The following SULT2B1 variants were observed in gnomAD, a reference collection of about 807,000 sequenced individuals.
SULT2B1 encodes the protein sulfotransferase family 2B member 1.
A neutral mutation model predicts 33.2 loss-of-function variants in SULT2B1; 16 were observed. The ratio of observed to expected loss-of-function variants is 0.48; its 90% confidence interval spans 0.33 to 0.73. The LOEUF (loss-of-function observed/expected upper bound fraction) is 0.73. SULT2B1 is among the 30% of genes least tolerant of loss of function. The probability of loss-of-function intolerance (pLI) is 0.02; values close to 1 mark genes in which losing one functional copy is unlikely to be tolerated. For synonymous variants in SULT2B1, 186 were observed against 200.5 expected (o/e 0.93, Z 0.61); for missense variants, 500 against 506.0 (o/e 0.99, Z 0.11).
At chr19:48,579,605 C>CTTTT (rs149157128) in intron 2 of SULT2B1, among the ~76,000 whole-genome samples, 121 of 79,742 alleles carry the variant, frequency 1.5e-3, no homozygotes, top group Middle Eastern at 0.015. Context: ...TTCTTTCTTT[C>CTTTT]TTTTTTTTTT....
rs1323605425 is a variant in SULT2B1, at chr19:48,569,250, C to T, written c.72-6691C>T. ...CCAGCTACTCAGGAGGCTGAGGCAG[C>T]AGAATGGCGTGAATCCAGGAGGCGG... On this transcript the variant is annotated intron_variant, in intron 1 of 6. Transcript: ENST00000201586. Among the ~76,000 whole-genome samples the T allele has an allele frequency of 2.0e-5, 3 of 150,458 alleles. No individual in the cohort carries two copies. In the East Asian group the frequency reaches 6.1e-4, roughly 31 times the overall value.
chr19:48,596,695 G>A, intron 5 of SULT2B1, 44 bp from the exon 6 acceptor site: 2 of 1,528,660 alleles, frequency 1.3e-6, no homozygotes, highest in Middle Eastern at 4.6e-4. Flanking sequence ...CTCCTTCCTT[G>A]GCCGAGTGCC....
At chr19:48,559,769 C>T (rs1392502990) in intron 1 of SULT2B1, among the ~76,000 whole-genome samples, 1 of 152,138 alleles carries the variant, frequency 6.6e-6, no homozygotes, top group African/African-American at 2.4e-5. Flanking sequence ...CAGTTACTTA[C>T]GTGGGGACCA....
chr19:48,558,246 C>T (rs533333785), intron 1 of SULT2B1, among the ~76,000 whole-genome samples: 1 of 152,320 alleles, frequency 6.6e-6, no homozygotes, highest in African/African-American at 2.4e-5. Flanking sequence ...GGAAGCCTGA[C>T]TGTATCACGC....
chr19:48,566,333 T>C lies in SULT2B1; in HGVS notation c.72-9608T>C, dbSNP rs961675952. Among the ~76,000 whole-genome samples the C allele has an allele frequency of 1.3e-4, 20 of 152,024 alleles. No homozygotes were observed. The East Asian group carries it at 3.9e-3, about 29-fold the overall frequency. ...CACTTTGCTTCCCATTTTGGGAGGA[T>C]TTGGGCTCCCAAAATGCTGGGATCA... On this transcript the variant is annotated intron_variant, in intron 1 of 6. Coordinates refer to ENST00000201586, the MANE Select transcript of SULT2B1 (RefSeq NM_177973.2).
chr19:48,553,422 C>G (rs766718986), intron 1 of SULT2B1, among the ~76,000 whole-genome samples: 12 of 152,238 alleles, frequency 7.9e-5, no homozygotes, highest in Admixed American at 3.3e-4. Flanking sequence ...ATTCTCCAGC[C>G]TCAGCTTCCC....
At chr19:48,590,288 C>T (rs549163662) in intron 3 of SULT2B1, among the ~76,000 whole-genome samples, 81 of 152,110 alleles carry the variant, frequency 5.3e-4, no homozygotes, top group African/African-American at 1.9e-3. Flanking sequence ...AGTGCCTGGC[C>T]GACAAGACCT....
chr19:48,573,493 C>A (rs151108609), intron 1 of SULT2B1, among the ~76,000 whole-genome samples: 1 of 152,050 alleles, frequency 6.6e-6, no homozygotes, highest in Non-Finnish European at 1.5e-5. Flanking sequence ...TTTAGGAATG[C>A]GAGAATGCAG....
intron 1 of SULT2B1, among the ~76,000 whole-genome samples, chr19:48,568,973 C>T (rs1021080771): frequency 6.6e-6 from 1 of 152,154 alleles, no homozygotes; most frequent in African/African-American, 2.4e-5. Context: ...GTCGAGTTCC[C>T]AGAGGGGCCT....
rs1048372934 is a variant in SULT2B1, at chr19:48,552,396, T to C, written c.71+73T>C. 169 of 1,505,234 alleles carry C rather than the reference T, an allele frequency of 1.1e-4. No individual in the cohort carries two copies. Among genetic ancestry groups the C allele is most frequent in the Non-Finnish European group, 4.2e-5 (46 of 1,108,092 alleles). 93.2% of individuals were successfully genotyped at this position (1,505,234 alleles called of 1,614,324 possible). A position where few individuals can be genotyped will look rare whatever the true frequency, so the allele number is the denominator to read the frequency against. ...GGCTGTTTGGGGGAGCCGGGGACTGTGGCAAGGGTGGCCTCCAGCCACCCG... is the reference window on the plus strand; with the variant it reads ...GGCTGTTTGGGGGAGCCGGGGACTGCGGCAAGGGTGGCCTCCAGCCACCCG... On this transcript the variant is annotated intron_variant, in intron 1 of 6. Transcript: ENST00000201586. The surrounding 1 kb of genome is among the most constrained non-coding windows in gnomAD (Gnocchi z 4.8).
intron 1 of SULT2B1, among the ~76,000 whole-genome samples, chr19:48,565,934 A>G (rs10425691): frequency 0.53 from 77,708 of 147,934 alleles, 21,257 homozygotes; most frequent in African/African-American, 0.69. Flanking sequence ...TTTTTTTTAG[A>G]CGGAGTCTCA....
At chr19:48,577,569 C>T (rs76005986) in intron 2 of SULT2B1, among the ~76,000 whole-genome samples, 28,195 of 150,892 alleles carry the variant, frequency 0.19, 2,814 homozygotes, top group East Asian at 0.41. Context: ...TTTCACCGTA[C>T]TGGCCAGGAT....
At chr19:48,577,719 C>G (rs541634590) in intron 2 of SULT2B1, among the ~76,000 whole-genome samples, 2 of 152,016 alleles carry the variant, frequency 1.3e-5, no homozygotes, top group South Asian at 2.1e-4. Flanking sequence ...TTTTTCTCCT[C>G]TCTTCCCCAC....
chr19:48,556,560 T>G (rs1404174604), intron 1 of SULT2B1, among the ~76,000 whole-genome samples: 3 of 151,968 alleles, frequency 2.0e-5, no homozygotes, highest in African/African-American at 7.2e-5. Flanking sequence ...TGGGCCATCC[T>G]GCAGCAGACC....
intron 1 of SULT2B1, among the ~76,000 whole-genome samples, chr19:48,573,543 T>A (rs1973359570): frequency 6.6e-6 from 1 of 152,030 alleles, no homozygotes; most frequent in Non-Finnish European, 1.5e-5. Flanking sequence ...GGGTCCTGGC[T>A]CTGCGCTCAG....
intron 2 of SULT2B1, among the ~76,000 whole-genome samples, chr19:48,577,028 A>ATTTTTTTTTTTTTT (rs71179012): frequency 5.4e-5 from 5 of 92,954 alleles, no homozygotes; most frequent in African/African-American, 9.3e-5. Context: ...ACCCCCCTCT[A>ATTTTTTTTTTTTTT]TTTTTTTTTT....
Position 48,587,232 on chromosome 19 carries a change from C to T in SULT2B1, c.218C>T (p.Thr73Met), listed in dbSNP as rs527454384. The T allele has an allele frequency of 1.5e-5, 24 of 1,608,420 alleles. No homozygotes were observed. Among genetic ancestry groups the T allele is most frequent in the East Asian group, 2.2e-5 (1 of 44,832 alleles). ...TCTGCTCGATTTCTCCCAACAGGCACGACCTGGATGATCGAGATCATCTGC... is the reference window on the plus strand; with the variant it reads ...TCTGCTCGATTTCTCCCAACAGGCATGACCTGGATGATCGAGATCATCTGC... Reference protein sequence around the residue: ...IFIITYPKSGTTWMIEIICLI... With the variant: ...IFIITYPKSGMTWMIEIICLI... Residue 73 changes from threonine to methionine, a missense_variant, in exon 3 of 7, where the codon ACG becomes ATG. Coordinates refer to ENST00000201586, the MANE Select transcript of SULT2B1 (RefSeq NM_177973.2).
Position 48,552,717 on chromosome 19 carries a change from T to C in SULT2B1, c.71+394T>C, listed in dbSNP as rs1336843812. 6.6e-6 allele frequency among the ~76,000 whole-genome samples: 1 copy of C among 152,108 alleles called. No homozygotes were observed. The highest frequency in any genetic ancestry group is 1.5e-5 in the Non-Finnish European group (1 of 68,012). ...TACCCAGGACACCCCATGCAAGCCC[T>C]GAAATAACGGGGGTGCTTGGGGGTG... On this transcript the variant is annotated intron_variant, in intron 1 of 6. Coordinates refer to ENST00000201586, the MANE Select transcript of SULT2B1 (RefSeq NM_177973.2). The surrounding 1 kb of genome is among the most constrained non-coding windows in gnomAD (Gnocchi z 4.8).
chr19:48,591,813 G>A (rs1973647232), intron 4 of SULT2B1, 78 bp downstream of exon 4: 1 of 1,446,374 alleles, frequency 6.9e-7, no homozygotes, highest in Non-Finnish European at 9.1e-7. Flanking sequence ...GACAGAGGAG[G>A]GGTAAGAAAG....
Sources: gnomAD v4.1 joint callset for allele counts (sites outside exome capture counted in the v4.1 genomes callset) on GRCh38, gnomAD v4.1.1 for gene constraint, Gnocchi (gnomAD v3.1) non-coding constraint, MANE v1.5 for transcripts, NCBI Gene and HGNC (gene_info 2026-07-23, HGNC 2026-07-21) for gene names.